Variants in ABCB9 observed in about 807,000 individuals in gnomAD.
The protein encoded by ABCB9 is ABC-type oligopeptide transporter ABCB9.
A neutral mutation model predicts 62.0 loss-of-function variants in ABCB9; 36 were observed. That is an observed-to-expected ratio of 0.58 (90% CI 0.45 to 0.77). The LOEUF (loss-of-function observed/expected upper bound fraction) is 0.77, where lower values mean the gene tolerates loss of function less well. ABCB9 is among the 30% of genes least tolerant of loss of function. The probability of loss-of-function intolerance (pLI) is 0.00; values close to 1 mark genes in which losing one functional copy is unlikely to be tolerated. For synonymous variants in ABCB9, 435 were observed against 461.4 expected (o/e 0.94, Z 0.73); for missense variants, 943 against 1,054.7 (o/e 0.89, Z 1.47).
intron 9 of ABCB9, among the ~76,000 whole-genome samples, chr12:122,937,138 A>C (rs1401488799): frequency 6.6e-6 from 1 of 151,902 alleles, no homozygotes; most frequent in African/African-American, 2.4e-5. Context: ...CGGGTGGATC[A>C]CTTGAGGTCA....
Position 122,932,064 on chromosome 12 carries a change from C to T in ABCB9, c.2040+128G>A. 1 of 1,485,804 alleles carries T rather than the reference C, an allele frequency of 6.7e-7. No homozygotes were observed. The allele number at this position is 1,485,804 out of a possible 1,614,324, so 92.0% of individuals were successfully genotyped here. ...TCTCAACACCAGGAATTCACCAGCC[C>T]AGGAGGCTGATAGTCTGGGAGAGCT... On this transcript the variant is annotated intron_variant, in intron 11 of 11. Coordinates refer to ENST00000280560, the MANE Select transcript of ABCB9 (RefSeq NM_019625.4). The surrounding 1 kb of genome is among the most constrained non-coding windows in gnomAD (Gnocchi z 4.7).
At chr12:122,957,176 G>A (rs1430850098) in intron 2 of ABCB9, among the ~76,000 whole-genome samples, 3 of 151,930 alleles carry the variant, frequency 2.0e-5, no homozygotes, top group African/African-American at 7.3e-5. Flanking sequence ...GAGTAGCTGG[G>A]ACTATAGGCA....
At position 122,960,329 on chromosome 12, in the gene ABCB9, G is replaced by A. The variant is rs2036828689; in HGVS notation, c.-87-7C>T. On this transcript the variant is annotated splice_polypyrimidine_tract_variant and splice_region_variant and intron_variant, in intron 1 of 11. Transcript: ENST00000280560. ...CCACAGGGCGAGGCCAGGCCTGTAG[G>A]GACAACAGCAAACATCAGCACAAGG... is the stretch of plus-strand genomic sequence containing the variant. The A allele has an allele frequency of 6.8e-7, 1 of 1,477,114 alleles. No homozygotes were observed. Among genetic ancestry groups the A allele is most frequent in the African/African-American group, 1.4e-5 (1 of 71,758 alleles). 91.5% of individuals were successfully genotyped at this position (1,477,114 alleles called of 1,614,324 possible).
rs542301573 is a variant in ABCB9, at chr12:122,958,548, G to C, written c.601+1087C>G. Among the ~76,000 whole-genome samples the C allele has an allele frequency of 4.6e-5, 7 of 152,260 alleles. No homozygotes were observed. In the South Asian group the frequency reaches 1.5e-3, roughly 32 times the overall value. ...CAGAATGATCAGGGTAGAATTAGAA[G>C]TGAAACACAGCCAGGCATTGTGGCT... is the stretch of plus-strand genomic sequence containing the variant. On this transcript the variant is annotated intron_variant, in intron 2 of 11. Coordinates refer to ENST00000280560, the MANE Select transcript of ABCB9 (RefSeq NM_019625.4).
chr12:122,919,881 G>GTTTATTTATTTTTTTTTTATTTA (rs942930448), downstream of ABCB9, among the ~76,000 whole-genome samples: 1 of 138,814 alleles, frequency 7.2e-6, no homozygotes, highest in Non-Finnish European at 1.5e-5. Context: ...CTGTTTGTTT[G>GTTTATTTATTTTTTTTTTATTTA]TTTATTTATT....
At position 122,947,805 on chromosome 12, in the gene ABCB9, C is replaced by A. The variant is rs1393441894; in HGVS notation, c.1053+819G>T. 2 of 173,978 alleles carry A rather than the reference C, an allele frequency of 1.1e-5. No homozygotes were observed. The highest frequency in any genetic ancestry group is 3.2e-4 in the East Asian group (2 of 6,262). 10.8% of individuals were successfully genotyped at this position (173,978 alleles called of 1,614,324 possible). The stretch of plus-strand genomic sequence containing the variant: ...GGCCCGCACCACCCCCACATACACA[C>A]CAGGCACGTTCCAACCCAGGGCCTT... On this transcript the variant is annotated intron_variant, in intron 5 of 11. Transcript: ENST00000280560. This position sits in a 1 kb window ranked among gnomAD's most constrained non-coding sequence, Gnocchi z 6.0.
chr12:122,920,391 A>C (rs2034718780), downstream of ABCB9, among the ~76,000 whole-genome samples: 1 of 151,042 alleles, frequency 6.6e-6, no homozygotes, highest in Non-Finnish European at 1.5e-5. Context: ...CAAAGGTGGA[A>C]AATAATTTGG....
chr12:122,959,752 C>T lies in ABCB9; in HGVS notation c.484G>A (p.Gly162Ser), dbSNP rs544898576. Residue 162 changes from glycine to serine, a missense_variant, in exon 2 of 12, where the codon GGC (glycine) becomes AGC (serine). Transcript: ENST00000280560. This position sits in a 1 kb window ranked among gnomAD's most constrained non-coding sequence, Gnocchi z 5.4. ...GACGCCTGCTCGGGCGGTGGCCGGC[C>T]GCTCCCAGGGAAGCCCTCAGCCTCG... ...ATEAEGFPGS[G>S]RPPPEQASGA... 105 of 1,611,576 alleles carry T rather than the reference C, an allele frequency of 6.5e-5. No homozygotes were observed. The highest frequency in any genetic ancestry group is 6.6e-5 in the South Asian group (6 of 91,008).
At chr12:122,938,855 A>G (rs2035589773) in intron 9 of ABCB9, among the ~76,000 whole-genome samples, 1 of 151,594 alleles carries the variant, frequency 6.6e-6, no homozygotes, top group Non-Finnish European at 1.5e-5. Flanking sequence ...AAAAATAAAC[A>G]AATAAATAAA....
chr12:122,934,578 C>T (rs1467443740), intron 10 of ABCB9, among the ~76,000 whole-genome samples: 3 of 149,776 alleles, frequency 2.0e-5, no homozygotes, highest in Non-Finnish European at 4.4e-5. Context: ...GAGGTTGAGG[C>T]TGCAGTGAGC....
chr12:122,943,723 G>A (rs1380358665), intron 7 of ABCB9, among the ~76,000 whole-genome samples: 8 of 151,706 alleles, frequency 5.3e-5, no homozygotes, highest in Non-Finnish European at 4.4e-5. Flanking sequence ...TCTGCCTCCC[G>A]GGTTCAAGCG....
At chr12:122,927,621 C>A (rs558513466), downstream of ABCB9, among the ~76,000 whole-genome samples, 4 of 152,310 alleles carry the variant, frequency 2.6e-5, no homozygotes, top group South Asian at 8.3e-4. Context: ...GGAGAAGAAT[C>A]TGGAATTCTC....
chr12:122,949,740 G>C, intron 4 of ABCB9, 48 bp downstream of exon 4: 1 of 1,609,468 alleles, frequency 6.2e-7, no homozygotes, highest in Non-Finnish European at 8.5e-7. Flanking sequence ...CAAGCCCACA[G>C]GGGTGGGGCC....
At chr12:122,938,411 A>C (rs1013490580) in intron 9 of ABCB9, among the ~76,000 whole-genome samples, 1 of 152,154 alleles carries the variant, frequency 6.6e-6, no homozygotes, top group Non-Finnish European at 1.5e-5. Context: ...ATGTGCCTGC[A>C]GTCCCAGCTA....
downstream of ABCB9, among the ~76,000 whole-genome samples, chr12:122,927,178 C>CT (rs879257017): frequency 6.6e-4 from 96 of 145,988 alleles, no homozygotes; most frequent in Non-Finnish European, 6.5e-4. Flanking sequence ...CAAAATTAAA[C>CT]TTTTTTTTTT....
At position 122,921,140 on chromosome 12, in the gene ABCB9, C is replaced by T. The variant is rs754669081; in HGVS notation, c.2041-97G>A. 9 of 1,236,232 alleles carry T rather than the reference C, an allele frequency of 7.3e-6. No homozygotes were observed. The East Asian group carries it at 1.5e-4, about 21-fold the overall frequency. 76.6% of individuals were successfully genotyped at this position (1,236,232 alleles called of 1,614,324 possible). ...ATGCAATTTAAAATGGTTGGCTGGG[C>T]GTGATGGGGCACACCTGTAATCCCA... On this transcript the variant is annotated intron_variant, in intron 11 of 11. Transcript: ENST00000344275.
intron 10 of ABCB9, among the ~76,000 whole-genome samples, chr12:122,934,109 G>A (rs142514180): frequency 6.6e-6 from 1 of 152,032 alleles, no homozygotes; most frequent in Non-Finnish European, 1.5e-5. Context: ...TTAGCAAGGT[G>A]TGGTGGTGGG....
chr12:122,947,572 A>G lies in ABCB9; in HGVS notation c.1053+1052T>C. On this transcript the variant is annotated intron_variant, in intron 5 of 11. Coordinates refer to ENST00000280560, the MANE Select transcript of ABCB9 (RefSeq NM_019625.4). The surrounding 1 kb of genome is among the most constrained non-coding windows in gnomAD (Gnocchi z 6.0). ...TGTGAGGGGGTTGCCTGTACCTGTC[A>G]CAGGGTCACAGCCCTGCCTGTCTGA... 1 of 414,830 alleles carries G rather than the reference A, an allele frequency of 2.4e-6. No homozygotes were observed. Among genetic ancestry groups the G allele is most frequent in the Non-Finnish European group, 4.9e-6 (1 of 202,950 alleles). The allele number at this position is 414,830 out of a possible 1,614,324, so 25.7% of individuals were successfully genotyped here. A position where few individuals can be genotyped will look rare whatever the true frequency, so the allele number is the denominator to read the frequency against.
chr12:122,936,363 G>C (rs1025751684), intron 9 of ABCB9, among the ~76,000 whole-genome samples: 1 of 152,208 alleles, frequency 6.6e-6, no homozygotes, highest in Non-Finnish European at 1.5e-5. Context: ...CAAAAGGTAA[G>C]GTGGAGGGGA....
Sources: gnomAD v4.1 joint callset for allele counts (sites outside exome capture counted in the v4.1 genomes callset) on GRCh38, gnomAD v4.1.1 for gene constraint, Gnocchi (gnomAD v3.1) non-coding constraint, MANE v1.5 for transcripts, NCBI Gene and HGNC (gene_info 2026-07-23, HGNC 2026-07-21) for gene names.